Variants in ABHD14B observed in about 807,000 individuals in gnomAD.
The protein encoded by ABHD14B is abhydrolase domain containing 14B, also known as putative protein-lysine deacylase ABHD14B.
In ABHD14B, 19 loss-of-function variants were observed where a neutral mutation model predicts 15.4. The ratio of observed to expected loss-of-function variants is 1.23; its 90% confidence interval spans 0.86 to 1.81. ABHD14B has a LOEUF of 1.81. Among genes scored for constraint, ABHD14B ranks in the 40% most tolerant of loss-of-function variants. The pLI is 0.00. For missense variants in ABHD14B, 243 were observed against 267.0 expected, an observed-to-expected ratio of 0.91 and a Z score of 0.63; for synonymous variants, 92 against 117.3, an observed-to-expected ratio of 0.78 and a Z score of 1.39.
intron 1 of ABHD14B, among the ~76,000 whole-genome samples, chr3:51,972,303 C>T (rs1224395106): frequency 6.7e-6 from 1 of 149,884 alleles, no homozygotes; most frequent in African/African-American, 2.5e-5. Context: ...GGCGCGGTGG[C>T]ACACGCCTGT....
Position 51,971,759 on chromosome 3 carries a change from C to G in ABHD14B, c.-28-61G>C. 4 of 1,520,030 alleles carry G rather than the reference C, an allele frequency of 2.6e-6. No homozygotes were observed. The South Asian group carries it at 4.8e-5, about 18-fold the overall frequency. The allele number at this position is 1,520,030 out of a possible 1,614,324, so 94.2% of individuals were successfully genotyped here. A position where few individuals can be genotyped will look rare whatever the true frequency, so the allele number is the denominator to read the frequency against. On this transcript the variant is annotated intron_variant, in intron 1 of 3. Coordinates refer to ENST00000361143, the MANE Select transcript of ABHD14B (RefSeq NM_001146314.2). Reference sequence around the variant, plus strand: ...AACACCCTGCCCAGGGTGGCAGTCCCAGAGGAGCAGCAAGGAAGCCTCCAG... The same window carrying G: ...AACACCCTGCCCAGGGTGGCAGTCCGAGAGGAGCAGCAAGGAAGCCTCCAG...
chr3:51,968,565 C>G lies in ABHD14B; in HGVS notation c.*861G>C, dbSNP rs545533998. 6.6e-6 allele frequency: 1 copy of G among 152,364 alleles called. No individual in the cohort carries two copies. Among genetic ancestry groups the G allele is most frequent in the Non-Finnish European group, 1.5e-5 (1 of 68,042 alleles). The allele number at this position is 152,364 out of a possible 1,614,324, so 9.4% of individuals were successfully genotyped here. A position where few individuals can be genotyped will look rare whatever the true frequency, so the allele number is the denominator to read the frequency against. The stretch of plus-strand genomic sequence containing the variant: ...GACCTCCACTCTGGCTCCCACCCCA[C>G]AAGCCTCAGAGCAGGAAACAAGCTT... On this transcript the variant is annotated 3_prime_UTR_variant, in exon 4 of 4. Coordinates refer to ENST00000361143, the MANE Select transcript of ABHD14B (RefSeq NM_001146314.2).
chr3:51,970,396 T>A (rs1700633079), intron 2 of ABHD14B, among the ~76,000 whole-genome samples: 1 of 152,148 alleles, frequency 6.6e-6, no homozygotes, highest in Admixed American at 6.5e-5. Context: ...TGTGCCTGTC[T>A]CCCCAGCAGT....
At position 51,973,985 on chromosome 3, in the gene ABHD14B, G is replaced by A. The variant is rs550705460; in HGVS notation, c.-49C>T. On this transcript the variant is annotated 5_prime_UTR_variant, in exon 1 of 4. Transcript: ENST00000361143. ...GGTACCTGGGGAGCTGCGTGGACTC[G>A]CGCAGACGGGAAGCAGGCGCGTGCT... The A allele has an allele frequency of 1.6e-3, 2,022 of 1,289,454 alleles. 4 individuals are homozygous for A. Among genetic ancestry groups the A allele is most frequent in the South Asian group, 1.9e-3 (157 of 81,008 alleles). 79.9% of individuals were successfully genotyped at this position (1,289,454 alleles called of 1,614,324 possible). A position where few individuals can be genotyped will look rare whatever the true frequency, so the allele number is the denominator to read the frequency against.
Position 51,971,608 on chromosome 3 carries a change from G to C in ABHD14B, c.63C>G (p.Phe21Leu), listed in dbSNP as rs375408470. The change falls in exon 2 of 4, where the codon TTC (phenylalanine) becomes TTG (leucine). Residue 21 changes from phenylalanine (F) to leucine (L), a missense_variant. Coordinates refer to ENST00000361143, the MANE Select transcript of ABHD14B (RefSeq NM_001146314.2). Reference sequence around the variant, plus strand: ...GCCCACTGCCGGGCAGGGCCTCTCGGAAGAAGAGGGCCTGGCCCTGCACCT... The same window carrying C: ...GCCCACTGCCGGGCAGGGCCTCTCGCAAGAAGAGGGCCTGGCCCTGCACCT... ...TIQVQGQALFFREALPGSGQA... is the reference protein window; with the variant it reads ...TIQVQGQALFLREALPGSGQA... The C allele has an allele frequency of 1.2e-6, 2 of 1,613,368 alleles. No homozygotes were observed. Among genetic ancestry groups the C allele is most frequent in the South Asian group, 1.1e-5 (1 of 91,070 alleles).
At position 51,969,377 on chromosome 3, in the gene ABHD14B, G is replaced by C; in HGVS notation, c.*49C>G. The stretch of plus-strand genomic sequence containing the variant: ...GGGAGAGAAGAGAGAGCGTGCAAGA[G>C]AGAGCTCAGAGCAGGCAGGCAGCCC... On this transcript the variant is annotated 3_prime_UTR_variant, in exon 4 of 4. Coordinates refer to ENST00000361143, the MANE Select transcript of ABHD14B (RefSeq NM_001146314.2). 1 of 1,555,590 alleles carries C rather than the reference G, an allele frequency of 6.4e-7. No homozygotes were observed. The highest frequency in any genetic ancestry group is 1.2e-5 in the South Asian group (1 of 82,536).
rs764867980 is a variant in ABHD14B, at chr3:51,970,067, G to T, written c.329C>A (p.Pro110Gln). ...LELGPPVVISPSLSGMYSLPF... is the reference protein window; with the variant it reads ...LELGPPVVISQSLSGMYSLPF... ...CAGGGAGTACATGCCACTCAGTGAT[G>T]GACTGATCACAACCGGGGGGCCCAG... The change falls in exon 3 of 4, where the codon CCA (proline) becomes CAA (glutamine). Residue 110 changes from proline (P) to glutamine (Q), a missense_variant. Coordinates refer to ENST00000361143, the MANE Select transcript of ABHD14B (RefSeq NM_001146314.2). 6.2e-7 allele frequency: 1 copy of T among 1,612,976 alleles called. No homozygotes were observed. Among genetic ancestry groups the T allele is most frequent in the South Asian group, 1.1e-5 (1 of 91,000 alleles).
Position 51,970,204 on chromosome 3 carries a change from AAAGAGAC to A in ABHD14B, c.212-27_212-21del. The A allele has an allele frequency of 6.6e-7, 1 of 1,519,326 alleles. No individual in the cohort carries two copies. Among genetic ancestry groups the A allele is most frequent in the South Asian group, 1.3e-5 (1 of 75,092 alleles). The allele number at this position is 1,519,326 out of a possible 1,614,324, so 94.1% of individuals were successfully genotyped here. ...CCAGACCTGCAGGGATTCAGGTGTG[AAAGAGAC>A]AAGACAAGGGCAGTGAATGGCAAAA... On this transcript the variant is annotated intron_variant, in intron 2 of 3. Transcript: ENST00000361143.
Position 51,970,043 on chromosome 3 carries a change from A to G in ABHD14B, c.353T>C (p.Leu118Pro). ...ISPSLSGMYS[L>P]PFLTAPGSQL... is the part of the protein sequence containing the mutation. ...GGAGCCAGGGGCCGTGAGGAAGGGC[A>G]GGGAGTACATGCCACTCAGTGATGG... Residue 118 changes from leucine to proline, a missense_variant, in exon 3 of 4, where the codon CTG becomes CCG. Physicochemically the swap from Leu to Pro is moderately conservative, Grantham distance 98. Coordinates refer to ENST00000361143, the MANE Select transcript of ABHD14B (RefSeq NM_001146314.2). 6.2e-7 allele frequency: 1 copy of G among 1,614,066 alleles called. No individual in the cohort carries two copies. Among genetic ancestry groups the G allele is most frequent in the Non-Finnish European group, 8.5e-7 (1 of 1,179,960 alleles).
At chr3:51,974,412 C>A, upstream of ABHD14B, 1 of 260,002 alleles carries the variant, frequency 3.8e-6, no homozygotes, top group Non-Finnish European at 7.7e-6. Flanking sequence ...CGCCAGTGTC[C>A]AGCCAAGTGG....
In ABHD14B at chr3:51,971,531, G is replaced by A. The variant is rs915982388; in HGVS notation, c.140C>T (p.Thr47Ile). The stretch of plus-strand genomic sequence containing the variant: ...GTGCAGTGTACCCAGGTTCTGCCAG[G>A]TCTCGGAGGAGAAGCGAATACCATG... ...LLHGIRFSSE[T>I]WQNLGTLHRL... The change falls in exon 2 of 4, where the codon ACC becomes ATC. Residue 47 changes from threonine (T) to isoleucine (I), a missense_variant. Coordinates refer to ENST00000361143, the MANE Select transcript of ABHD14B (RefSeq NM_001146314.2). The A allele has an allele frequency of 1.9e-6, 3 of 1,613,438 alleles. No individual in the cohort carries two copies. The highest frequency in any genetic ancestry group is 1.7e-6 in the Non-Finnish European group (2 of 1,179,762).
At chr3:51,971,982 C>T (rs530984149) in intron 1 of ABHD14B, 2 of 384,724 alleles carry the variant, frequency 5.2e-6, no homozygotes, top group African/African-American at 2.1e-5. Context: ...TGGTGGCTCA[C>T]GCCTGTAATC....
chr3:51,974,008 G>T lies in ABHD14B; in HGVS notation c.-72C>A. On this transcript the variant is annotated 5_prime_UTR_variant, in exon 1 of 4. Coordinates refer to ENST00000361143, the MANE Select transcript of ABHD14B (RefSeq NM_001146314.2). ...TCGCGCAGACGGGAAGCAGGCGCGT[G>T]CTGGCGGTGACCTGGGGCCGGAGGA... 7.8e-7 allele frequency: 1 copy of T among 1,289,050 alleles called. No homozygotes were observed. The highest frequency in any genetic ancestry group is 1.0e-6 in the Non-Finnish European group (1 of 988,830). 79.9% of individuals were successfully genotyped at this position (1,289,050 alleles called of 1,614,324 possible). A position where few individuals can be genotyped will look rare whatever the true frequency, so the allele number is the denominator to read the frequency against.
chr3:51,970,606 C>T, intron 2 of ABHD14B: 1 of 462,548 alleles, frequency 2.2e-6, no homozygotes, highest in Non-Finnish European at 4.3e-6. Context: ...TGAAAGGCAC[C>T]TGGCCCTGGA....
intron 1 of ABHD14B, among the ~76,000 whole-genome samples, chr3:51,973,506 T>TTTTTTTTTTC (rs1700702936): frequency 8.2e-6 from 1 of 122,664 alleles, no homozygotes. Flanking sequence ...TTTTCTTCGG[T>TTTTTTTTTTC]TTTTTTTTTT....
rs376650559 is a variant in ABHD14B, at chr3:51,971,813, T to C, written c.-28-115A>G. ...GTTTCCAGAACTTTAAGAACATGCC[T>C]TGGGGTCAGGAGGACATAGGTGTTA... On this transcript the variant is annotated intron_variant, in intron 1 of 3. Transcript: ENST00000361143. The C allele has an allele frequency of 3.3e-5, 47 of 1,439,242 alleles. No homozygotes were observed. The African/African-American group carries it at 5.0e-4, about 15-fold the overall frequency. The allele number at this position is 1,439,242 out of a possible 1,614,324, so 89.2% of individuals were successfully genotyped here. A position where few individuals can be genotyped will look rare whatever the true frequency, so the allele number is the denominator to read the frequency against.
chr3:51,968,615 A>C lies in ABHD14B; in HGVS notation c.*811T>G, dbSNP rs1700572912. 6.7e-6 allele frequency: 1 copy of C among 148,518 alleles called. No individual in the cohort carries two copies. Among genetic ancestry groups the C allele is most frequent in the South Asian group, 2.1e-4 (1 of 4,832 alleles). The allele number at this position is 148,518 out of a possible 1,614,324, so 9.2% of individuals were successfully genotyped here. A position where few individuals can be genotyped will look rare whatever the true frequency, so the allele number is the denominator to read the frequency against. On this transcript the variant is annotated 3_prime_UTR_variant, in exon 4 of 4. Transcript: ENST00000361143. ...TGGCTGAGATGCCTCAGGCCTGGTA[A>C]CCTGAGGTGTAGAGCACCCAGAAGG...
At chr3:51,971,748 G>C (rs530423515) in intron 1 of ABHD14B, 50 bp from the exon 2 acceptor site, 1 of 1,548,228 alleles carries the variant, frequency 6.5e-7, no homozygotes, top group Non-Finnish European at 8.7e-7. Context: ...CCCTGCCCAG[G>C]GTGGCAGTCC....
At position 51,971,520 on chromosome 3, in the gene ABHD14B, G is replaced by A; in HGVS notation, c.151C>T (p.Leu51=). The A allele has an allele frequency of 6.2e-7, 1 of 1,613,190 alleles. No homozygotes were observed. Among genetic ancestry groups the A allele is most frequent in the Non-Finnish European group, 8.5e-7 (1 of 1,179,566 alleles). Residue 51 remains leucine, a synonymous_variant, in exon 2 of 4, where the codon CTG becomes TTG. Transcript: ENST00000361143. The part of the protein sequence containing the change: ...IRFSSETWQN[L]GTLHRLAQAG... ...TGGGCCAGCCTGTGCAGTGTACCCA[G>A]GTTCTGCCAGGTCTCGGAGGAGAAG...
Sources: gnomAD v4.1 joint callset for allele counts (sites outside exome capture counted in the v4.1 genomes callset) on GRCh38, gnomAD v4.1.1 for gene constraint, MANE v1.5 for transcripts, NCBI Gene and HGNC (gene_info 2026-07-23, HGNC 2026-07-21) for gene names.